The following CLCN3 variants were observed in gnomAD, a reference collection of about 807,000 sequenced individuals.
CLCN3 encodes Cl-/H+ antiporter 3, also known as H(+)/Cl(-) exchange transporter 3.
A neutral mutation model predicts 83.4 loss-of-function variants in CLCN3; 16 were observed. That is an observed-to-expected ratio of 0.19 (90% CI 0.13 to 0.29). The LOEUF (loss-of-function observed/expected upper bound fraction) is 0.29. Ranked by LOEUF, CLCN3 falls within the 10% of genes least tolerant of loss-of-function variation. The pLI, the probability that CLCN3 is intolerant of heterozygous loss-of-function variation, is 1.00. For missense variants in CLCN3, 544 were observed against 1,006.0 expected (o/e 0.54, Z 6.21); for synonymous variants, 322 against 346.2 (o/e 0.93, Z 0.78).
chr4:169,714,924 T>C (rs573938306), intron 12 of CLCN3, among the ~76,000 whole-genome samples: 1 of 152,258 alleles, frequency 6.6e-6, no homozygotes, highest in South Asian at 2.1e-4. Context: ...CCGACTTCAT[T>C]AAGTTTAAAA....
intron 9 of CLCN3, among the ~76,000 whole-genome samples, chr4:169,701,307 C>CT (rs552496144): frequency 3.5e-4 from 53 of 152,320 alleles, no homozygotes; most frequent in Non-Finnish European, 6.8e-4. Flanking sequence ...TCAGTCACAT[C>CT]TTTAGGCTAC....
intron 2 of CLCN3, among the ~76,000 whole-genome samples, chr4:169,658,165 T>G (rs1301241819): frequency 6.6e-6 from 1 of 152,048 alleles, no homozygotes; most frequent in East Asian, 1.9e-4. Context: ...ACCTTATGTC[T>G]CAGTGATAAC....
chr4:169,624,308 CTT>C (rs1773176759), intron 1 of CLCN3, among the ~76,000 whole-genome samples: 1 of 152,038 alleles, frequency 6.6e-6, no homozygotes, highest in Admixed American at 6.5e-5. Flanking sequence ...TAATTTTTGT[CTT>C]TTTAGCAGAG....
intron 2 of CLCN3, among the ~76,000 whole-genome samples, chr4:169,671,961 C>T (rs573205163): frequency 1.2e-4 from 18 of 152,128 alleles, no homozygotes; most frequent in African/African-American, 3.1e-4. Flanking sequence ...CCTGTAATCC[C>T]GACACTTTGG....
chr4:169,640,524 G>C (rs1581196604), intron 2 of CLCN3, among the ~76,000 whole-genome samples: 1 of 152,334 alleles, frequency 6.6e-6, no homozygotes, highest in South Asian at 2.1e-4. Flanking sequence ...GTATCAGTCA[G>C]AAATGTCAGC....
intron 1 of CLCN3, among the ~76,000 whole-genome samples, chr4:169,629,493 C>T (rs1773315242): frequency 6.6e-6 from 1 of 152,034 alleles, no homozygotes; most frequent in Admixed American, 6.6e-5. Flanking sequence ...GCCTCGGCCT[C>T]CTGAGTAGCT....
intron 2 of CLCN3, among the ~76,000 whole-genome samples, chr4:169,636,613 C>T (rs536179791): frequency 3.9e-5 from 6 of 152,156 alleles, no homozygotes; most frequent in African/African-American, 1.4e-4. Flanking sequence ...ACTTACGTTT[C>T]AAAATCATCT....
intron 2 of CLCN3, among the ~76,000 whole-genome samples, chr4:169,647,638 A>G (rs10866341): frequency 0.66 from 100,712 of 152,112 alleles, 34,230 homozygotes; most frequent in East Asian, 0.94. Flanking sequence ...ATAATGTAGC[A>G]TGAATTATAA....
At chr4:169,683,354 G>T (rs1732020964) in intron 3 of CLCN3, among the ~76,000 whole-genome samples, 1 of 152,110 alleles carries the variant, frequency 6.6e-6, no homozygotes. Context: ...AATTAGCTGG[G>T]TATAGTGTCT....
intron 2 of CLCN3, chr4:169,663,557 C>T (rs1731142529): frequency 2.6e-6 from 1 of 379,548 alleles, no homozygotes; most frequent in Admixed American, 3.3e-5. Flanking sequence ...CCAGGCTGGT[C>T]TCCAACTCCT....
rs192505571 is a variant in CLCN3, at chr4:169,635,479, T to A, written c.-16-434T>A. 5.2e-3 allele frequency among the ~76,000 whole-genome samples: 792 copies of A among 152,260 alleles called. 2 individuals are homozygous for A. The highest frequency in any genetic ancestry group is 0.014 in the Middle Eastern group (4 of 294). ...ATGAAATAAATATTTTAAAATTTTT[T>A]AATTGTAGTATTTATTTTTAAAATC... On this transcript the variant is annotated intron_variant, in intron 1 of 12. Transcript: ENST00000513761.
intron 11 of CLCN3, among the ~76,000 whole-genome samples, chr4:169,712,190 T>C (rs1213232889): frequency 6.6e-6 from 1 of 152,136 alleles, no homozygotes; most frequent in Non-Finnish European, 1.5e-5. Context: ...ACAAATATCA[T>C]ATCTGTATAT....
chr4:169,711,824 T>TATAA (rs1490225966), intron 11 of CLCN3, among the ~76,000 whole-genome samples: 1 of 152,204 alleles, frequency 6.6e-6, no homozygotes, highest in Non-Finnish European at 1.5e-5. Context: ...ATGCTTATTA[T>TATAA]GGCTTAAATG....
intron 2 of CLCN3, among the ~76,000 whole-genome samples, chr4:169,653,258 G>A (rs186098629): frequency 1.3e-5 from 2 of 152,050 alleles, no homozygotes; most frequent in Non-Finnish European, 1.5e-5. Context: ...GTATGTGTTA[G>A]AGTGTATTCA....
Position 169,685,472 on chromosome 4 carries a change from C to G in CLCN3, c.319-2186C>G, listed in dbSNP as rs188676944. The stretch of plus-strand genomic sequence containing the variant: ...AATATAAGCATAAATATTTATATTC[C>G]TGTCTTTTAGCATGCTTTTAGCCAT... On this transcript the variant is annotated intron_variant, in intron 3 of 12. Coordinates refer to ENST00000513761, the MANE Select transcript of CLCN3 (RefSeq NM_001829.4). Among the ~76,000 whole-genome samples the G allele has an allele frequency of 2.7e-3, 408 of 152,036 alleles. 1 individual carries two copies. Among genetic ancestry groups the G allele is most frequent in the Admixed American group, 5.2e-3 (79 of 15,262 alleles).
chr4:169,677,908 A>G (rs1731742614), intron 2 of CLCN3, among the ~76,000 whole-genome samples: 1 of 152,188 alleles, frequency 6.6e-6, no homozygotes, highest in South Asian at 2.1e-4. Context: ...TTCTTGAGCT[A>G]TCTTTTAATG....
In CLCN3 at chr4:169,722,086, G is replaced by A. The variant is rs1733657448; in HGVS notation, c.*2089G>A. ...GCCTGCGTGAGCCTCCCAAAGTGGT[G>A]GAATTACAGGCGTGGGCCACTGCGC... On this transcript the variant is annotated 3_prime_UTR_variant, in exon 13 of 13. Transcript: ENST00000513761. The A allele has an allele frequency of 6.6e-6, 1 of 152,216 alleles. No homozygotes were observed. The highest frequency in any genetic ancestry group is 6.5e-5 in the Admixed American group (1 of 15,282). 9.4% of individuals were successfully genotyped at this position (152,216 alleles called of 1,614,324 possible). A position where few individuals can be genotyped will look rare whatever the true frequency, so the allele number is the denominator to read the frequency against.
At chr4:169,714,525 G>A (rs1012077258) in intron 12 of CLCN3, among the ~76,000 whole-genome samples, 1 of 152,130 alleles carries the variant, frequency 6.6e-6, no homozygotes, top group African/African-American at 2.4e-5. Flanking sequence ...TGGTGAACAA[G>A]TCATGGTTCA....
chr4:169,695,171 T>C (rs1246205337), intron 7 of CLCN3, among the ~76,000 whole-genome samples: 1 of 152,182 alleles, frequency 6.6e-6, no homozygotes, highest in Non-Finnish European at 1.5e-5. Context: ...AGGTCTTCGG[T>C]TCCCTGCATA....
Sources: allele counts gnomAD v4.1 joint callset (sites outside exome capture counted in the v4.1 genomes callset), GRCh38; gene constraint gnomAD v4.1.1; transcripts MANE v1.5; gene names NCBI Gene and HGNC (gene_info 2026-07-23, HGNC 2026-07-21).